LMTK2: variants seen among roughly 807,000 people sequenced by gnomAD.
LMTK2 encodes serine/threonine-protein kinase LMTK2.
LMTK2 carries 37 observed loss-of-function variants against 127.5 expected under a neutral mutation model. The observed-to-expected ratio is 0.29, with a 90% CI of 0.22 to 0.38. LMTK2 has a LOEUF of 0.38. Ranked by LOEUF, LMTK2 falls within the 10% of genes least tolerant of loss-of-function variation. The pLI is 1.00. For missense variants in LMTK2, 1,694 were observed against 1,920.3 expected (o/e 0.88, Z 2.20); for synonymous variants, 819 against 810.1 (o/e 1.01, Z -0.19).
chr7:98,123,889 A>C (rs560339906), intron 1 of LMTK2, among the ~76,000 whole-genome samples: 1 of 152,158 alleles, frequency 6.6e-6, no homozygotes, highest in South Asian at 2.1e-4. Context: ...TTCTACTGCT[A>C]TGTGCAAGTA....
chr7:98,138,398 G>A (rs1013166690), intron 2 of LMTK2, among the ~76,000 whole-genome samples: 6 of 152,142 alleles, frequency 3.9e-5, no homozygotes, highest in African/African-American at 7.2e-5. Flanking sequence ...TTCTAGTAGC[G>A]CTGAGGAGAC....
At chr7:98,201,215 T>G (rs1797699536) in intron 11 of LMTK2, among the ~76,000 whole-genome samples, 1 of 152,208 alleles carries the variant, frequency 6.6e-6, no homozygotes, top group Admixed American at 6.5e-5. Context: ...CCTTCCACCC[T>G]CCACGGTCTC....
rs1461365401 is a variant in LMTK2, at chr7:98,207,527, CAG to C, written c.*2036_*2037del. 3 of 148,340 alleles carry C rather than the reference CAG, an allele frequency of 2.0e-5. No individual in the cohort carries two copies. Among genetic ancestry groups the C allele is most frequent in the Middle Eastern group, 3.5e-3 (1 of 286 alleles). The allele number at this position is 148,340 out of a possible 1,614,324, so 9.2% of individuals were successfully genotyped here. A position where few individuals can be genotyped will look rare whatever the true frequency, so the allele number is the denominator to read the frequency against. Reference sequence around the variant, plus strand: ...GAATTTTTTTTTTTTTTTTAATTAACAGGGCATTAGAAGATGATTTTGCCAAA... The same window carrying C: ...GAATTTTTTTTTTTTTTTTAATTAACGGCATTAGAAGATGATTTTGCCAAA... On this transcript the variant is annotated 3_prime_UTR_variant, in exon 14 of 14. Transcript: ENST00000297293.
At chr7:98,147,195 G>T (rs925679359) in intron 3 of LMTK2, among the ~76,000 whole-genome samples, 1 of 151,184 alleles carries the variant, frequency 6.6e-6, no homozygotes, top group Non-Finnish European at 1.5e-5. Flanking sequence ...TCTACAGTTT[G>T]TGTCTCAGTA....
chr7:98,107,194 C>T lies in LMTK2; in HGVS notation c.17C>T (p.Ala6Val). The T allele has an allele frequency of 1.4e-6, 2 of 1,452,808 alleles. No homozygotes were observed. Among genetic ancestry groups the T allele is most frequent in the South Asian group, 1.3e-5 (1 of 74,572 alleles). 90.0% of individuals were successfully genotyped at this position (1,452,808 alleles called of 1,614,324 possible). Residue 6 changes from alanine (A) to valine (V), a missense_variant, in exon 1 of 14, where the codon GCG becomes GTG. This residue lies in a region of LMTK2 where 76 missense variants were observed against 82.0 expected (regional missense o/e 0.93). Transcript: ENST00000297293. MPGPP[A>V]LRRRLLLLLL... ...GTGGGCGAGATGCCGGGGCCGCCGG[C>T]GTTGCGGCGGAGGCTGCTGCTGCTG... is the stretch of plus-strand genomic sequence containing the variant.
chr7:98,207,482 A>G lies in LMTK2; in HGVS notation c.*1990A>G, dbSNP rs577352130. ...TGCCCACCTGGGCTATGTGGGGAGCACCACTGTCTCGGGATGCGCGAATTT... is the reference window on the plus strand; with the variant it reads ...TGCCCACCTGGGCTATGTGGGGAGCGCCACTGTCTCGGGATGCGCGAATTT... On this transcript the variant is annotated 3_prime_UTR_variant, in exon 14 of 14. Transcript: ENST00000297293. 2 of 150,024 alleles carry G rather than the reference A, an allele frequency of 1.3e-5. No individual in the cohort carries two copies. The highest frequency in any genetic ancestry group is 4.2e-4 in the South Asian group (2 of 4,724). The allele number at this position is 150,024 out of a possible 1,614,324, so 9.3% of individuals were successfully genotyped here.
chr7:98,147,301 C>T (rs1266989940), intron 3 of LMTK2, among the ~76,000 whole-genome samples: 1 of 152,032 alleles, frequency 6.6e-6, no homozygotes, highest in African/African-American at 2.4e-5. Flanking sequence ...TCACTGCAGC[C>T]TCGACTTCCT....
At chr7:98,144,706 A>AT (rs1203288522) in intron 3 of LMTK2, among the ~76,000 whole-genome samples, 1 of 150,800 alleles carries the variant, frequency 6.6e-6, no homozygotes, top group Non-Finnish European at 1.5e-5. Flanking sequence ...AAGTACAGAC[A>AT]TATCTATTAT....
chr7:98,150,031 G>A (rs1361067791), intron 3 of LMTK2, among the ~76,000 whole-genome samples: 1 of 152,116 alleles, frequency 6.6e-6, no homozygotes, highest in Non-Finnish European at 1.5e-5. Context: ...AAAGGGACTT[G>A]ATATCATTAG....
intron 10 of LMTK2, 73 bp downstream of exon 10, chr7:98,190,950 G>T: frequency 7.0e-7 from 1 of 1,421,008 alleles, no homozygotes. Flanking sequence ...AAAAAAATTC[G>T]TGGGCCAAAT....
rs916449761 is a variant in LMTK2 at position 98,194,638 on chromosome 7, A to G, written c.4107+66A>G. 6.4e-6 allele frequency: 9 copies of G among 1,404,350 alleles called. No individual in the cohort carries two copies. In the African/African-American group the frequency reaches 1.3e-4, roughly 20 times the overall value. The allele number at this position is 1,404,350 out of a possible 1,614,324, so 87.0% of individuals were successfully genotyped here. A position where few individuals can be genotyped will look rare whatever the true frequency, so the allele number is the denominator to read the frequency against. On this transcript the variant is annotated intron_variant, in intron 11 of 13. Coordinates refer to ENST00000297293, the MANE Select transcript of LMTK2 (RefSeq NM_014916.4). The surrounding 1 kb of genome is among the most constrained non-coding windows in gnomAD (Gnocchi z 5.4). ...TAAGGATTCCAAAATGTGCTAGGAA[A>G]TTGAGTGTGGTCTGTTTTCTAGTTG... is the stretch of plus-strand genomic sequence containing the variant.
At chr7:98,152,749 T>G (rs541479636) in intron 4 of LMTK2, among the ~76,000 whole-genome samples, 1 of 152,184 alleles carries the variant, frequency 6.6e-6, no homozygotes, top group Admixed American at 6.5e-5. Flanking sequence ...TGAGAGATCA[T>G]GATGTAATTG....
At position 98,171,489 on chromosome 7, in the gene LMTK2, T is replaced by C; in HGVS notation, c.658-52T>C. On this transcript the variant is annotated intron_variant, in intron 6 of 13. Transcript: ENST00000297293. The surrounding 1 kb of genome is among the most constrained non-coding windows in gnomAD (Gnocchi z 5.1). ...TTCACCGAGGCACGTATTTAAGCGC[T>C]CACTTTATTCCTGTGGCTCGTTTGG... is the stretch of plus-strand genomic sequence containing the variant. 1.2e-6 allele frequency: 2 copies of C among 1,613,332 alleles called. No homozygotes were observed. Among genetic ancestry groups the C allele is most frequent in the Non-Finnish European group, 1.7e-6 (2 of 1,179,344 alleles).
At chr7:98,202,781 G>GC (rs773139831) in intron 11 of LMTK2, among the ~76,000 whole-genome samples, 2 of 152,150 alleles carry the variant, frequency 1.3e-5, no homozygotes, top group Non-Finnish European at 2.9e-5. Context: ...CAGCCCAGGA[G>GC]CCCCCCAGCA....
intron 7 of LMTK2, among the ~76,000 whole-genome samples, chr7:98,184,097 G>A (rs1797394119): frequency 6.6e-6 from 1 of 152,142 alleles, no homozygotes; most frequent in Admixed American, 6.5e-5. Context: ...GGGCCAAGCG[G>A]GTGACTTGCA....
Position 98,132,487 on chromosome 7 carries a change from G to A in LMTK2, c.104-4828G>A, listed in dbSNP as rs1169612463. Among the ~76,000 whole-genome samples, 12 of 152,190 alleles carry A rather than the reference G, an allele frequency of 7.9e-5. No individual in the cohort carries two copies. In the South Asian group the frequency reaches 1.0e-3, roughly 13 times the overall value. On this transcript the variant is annotated intron_variant, in intron 1 of 13. Coordinates refer to ENST00000297293, the MANE Select transcript of LMTK2 (RefSeq NM_014916.4). ...GATGGTCTCAATCTCCTGACCTTGC[G>A]GTCCCCCGACCTTGGCCTCCCAAAG... is the stretch of plus-strand genomic sequence containing the variant.
intron 7 of LMTK2, among the ~76,000 whole-genome samples, chr7:98,179,466 C>T (rs960406631): frequency 1.3e-5 from 2 of 152,184 alleles, no homozygotes; most frequent in South Asian, 4.1e-4. Flanking sequence ...AGTGACGGAG[C>T]CTCTGTTGGC....
chr7:98,109,704 A>G (rs1796170106), intron 1 of LMTK2, among the ~76,000 whole-genome samples: 1 of 149,464 alleles, frequency 6.7e-6, no homozygotes, highest in African/African-American at 2.5e-5. Flanking sequence ...AGATTGTGCC[A>G]CTGCATCATA....
chr7:98,204,165 G>A lies in LMTK2; in HGVS notation c.4462G>A (p.Asp1488Asn), dbSNP rs752256609. The change falls in exon 13 of 14, where the codon GAC becomes AAC. Residue 1488 changes from aspartate (D) to asparagine (N), a missense_variant. By Grantham distance (23) the Asp-to-Asn change is conservative (BLOSUM62 1). Around this residue, in one of 8 missense-constraint regions of LMTK2, gnomAD observed 554 missense variants for 567.7 expected, o/e 0.98. Coordinates refer to ENST00000297293, the MANE Select transcript of LMTK2 (RefSeq NM_014916.4). ...CAGCTTTTCCCTCACACACCTGACC[G>A]ACTCGGACATCGAGCAGGGCGGTGA... ...IASFSLTHLTDSDIEQGGSSE... is the reference protein window; with the variant it reads ...IASFSLTHLTNSDIEQGGSSE... 6.2e-6 allele frequency: 10 copies of A among 1,608,126 alleles called. No individual in the cohort carries two copies. Among genetic ancestry groups the A allele is most frequent in the Admixed American group, 3.3e-5 (2 of 59,996 alleles).
Sources: allele counts gnomAD v4.1 joint callset (sites outside exome capture counted in the v4.1 genomes callset), GRCh38; gene constraint gnomAD v4.1.1; regional missense constraint gnomAD v4.1.1; non-coding constraint Gnocchi (gnomAD v3.1); transcripts MANE v1.5; gene names NCBI Gene and HGNC (gene_info 2026-07-23, HGNC 2026-07-21).